The following ZNF365 variants were observed in gnomAD, a reference collection of about 807,000 sequenced individuals.
ZNF365 encodes the protein protein ZNF365.
A neutral mutation model predicts 35.0 loss-of-function variants in ZNF365; 22 were observed. The observed-to-expected ratio is 0.63, with a 90% CI of 0.45 to 0.90. The LOEUF is 0.90. ZNF365 is among the 40% of genes least tolerant of loss of function. The probability of loss-of-function intolerance (pLI) is 0.00; values close to 1 mark genes in which losing one functional copy is unlikely to be tolerated. For missense variants in ZNF365, 448 were observed against 500.3 expected (o/e 0.90, Z 1.00); for synonymous variants, 188 against 196.2 (o/e 0.96, Z 0.35).
At chr10:62,429,432 G>C (rs963912250) in intron 3 of ZNF365, among the ~76,000 whole-genome samples, 1 of 152,168 alleles carries the variant, frequency 6.6e-6, no homozygotes, top group Admixed American at 6.5e-5. Context: ...TCAGAATTGC[G>C]AAGACTTTAC....
At position 62,402,004 on chromosome 10, in the gene ZNF365, T is replaced by C. The variant is rs1392206458; in HGVS notation, c.*2215T>C. 9.1e-6 allele frequency: 9 copies of C among 985,524 alleles called. No individual in the cohort carries two copies. Among genetic ancestry groups the C allele is most frequent in the Non-Finnish European group, 1.1e-5 (9 of 829,928 alleles). 61.0% of individuals were successfully genotyped at this position (985,524 alleles called of 1,614,324 possible). ...TGCCTCCTTAGAGACATAAATTTAG[T>C]GTCAAAACATGGGAGATGGCTTACT... On this transcript the variant is annotated 3_prime_UTR_variant, in exon 5 of 5. Coordinates refer to ENST00000395254, the MANE Select transcript of ZNF365 (RefSeq NM_014951.3).
intron 2 of ZNF365, among the ~76,000 whole-genome samples, chr10:62,377,421 G>A (rs1299834645): frequency 6.6e-6 from 1 of 152,144 alleles, no homozygotes; most frequent in Non-Finnish European, 1.5e-5. Context: ...TATCTGCCCA[G>A]GTTAATTAAA....
intron 4 of ZNF365, among the ~76,000 whole-genome samples, chr10:62,471,332 T>A (rs575378979): frequency 6.7e-6 from 1 of 149,294 alleles, no homozygotes. Context: ...TGCCACTGCA[T>A]TCCAGCCTGG....
intron 2 of ZNF365, among the ~76,000 whole-genome samples, chr10:62,385,893 A>T (rs1306124024): frequency 6.6e-6 from 1 of 152,172 alleles, no homozygotes; most frequent in Non-Finnish European, 1.5e-5. Flanking sequence ...TGAATTTTTA[A>T]AAATGGTACT....
At chr10:62,468,612 G>GC (rs111508889) in intron 4 of ZNF365, among the ~76,000 whole-genome samples, 1 of 152,056 alleles carries the variant, frequency 6.6e-6, no homozygotes, top group Non-Finnish European at 1.5e-5. Flanking sequence ...TGAGGACAAT[G>GC]CCCCCCCAGA....
chr10:62,461,502 C>T (rs372628870), intron 4 of ZNF365, among the ~76,000 whole-genome samples: 17 of 152,170 alleles, frequency 1.1e-4, no homozygotes, highest in African/African-American at 4.1e-4. Context: ...GGACGCCCTG[C>T]CTGGGCTTTC....
chr10:62,420,660 A>T (rs957075477), intron 3 of ZNF365, among the ~76,000 whole-genome samples: 5 of 152,230 alleles, frequency 3.3e-5, no homozygotes, highest in African/African-American at 1.2e-4. Flanking sequence ...GATTGATTGC[A>T]AGTTGGCAGT....
intron 4 of ZNF365, among the ~76,000 whole-genome samples, chr10:62,470,382 C>T (rs1564602429): frequency 6.6e-6 from 1 of 152,216 alleles, no homozygotes; most frequent in South Asian, 2.1e-4. Flanking sequence ...AACCCTTTGA[C>T]TTCCAGCCAG....
intron 4 of ZNF365, among the ~76,000 whole-genome samples, chr10:62,462,130 G>A (rs1840857398): frequency 6.6e-6 from 1 of 152,160 alleles, no homozygotes; most frequent in South Asian, 2.1e-4. Context: ...CATGTATACA[G>A]GGGGAGTTAC....
intron 4 of ZNF365, among the ~76,000 whole-genome samples, chr10:62,468,372 T>G (rs56115828): frequency 0.11 from 16,988 of 152,236 alleles, 1,010 homozygotes; most frequent in East Asian, 0.19. Flanking sequence ...ATGAAACAAC[T>G]ATGCATGAAT....
At chr10:62,452,902 C>A (rs1840706396) in intron 3 of ZNF365, among the ~76,000 whole-genome samples, 1 of 152,234 alleles carries the variant, frequency 6.6e-6, no homozygotes, top group Non-Finnish European at 1.5e-5. Context: ...CCTACTGCCA[C>A]CTTCATTGTT....
At chr10:62,399,424 G>A in intron 4 of ZNF365, 104 bp from the exon 5 acceptor site, 1 of 1,487,472 alleles carries the variant, frequency 6.7e-7, no homozygotes, top group Non-Finnish European at 9.0e-7. Context: ...CACCACTGTA[G>A]CATGTAGGAG....
At chr10:62,445,070 C>A (rs951106300) in intron 3 of ZNF365, among the ~76,000 whole-genome samples, 4 of 151,522 alleles carry the variant, frequency 2.6e-5, no homozygotes, top group Non-Finnish European at 4.4e-5. Flanking sequence ...ATGATGATTT[C>A]CAATTTCATC....
At chr10:62,479,361 C>T (rs1054840458) in intron 4 of ZNF365, among the ~76,000 whole-genome samples, 4 of 152,176 alleles carry the variant, frequency 2.6e-5, no homozygotes, top group Admixed American at 6.5e-5. Context: ...TACAGTTATA[C>T]TGTAGAATTG....
intron 3 of ZNF365, among the ~76,000 whole-genome samples, chr10:62,394,162 G>A (rs1839682669): frequency 6.6e-6 from 1 of 152,074 alleles, no homozygotes. Context: ...CAGCTTACTG[G>A]TTCAGCATTC....
chr10:62,381,448 C>T (rs1017031277), intron 2 of ZNF365, among the ~76,000 whole-genome samples: 1 of 152,094 alleles, frequency 6.6e-6, no homozygotes, highest in East Asian at 1.9e-4. Context: ...AGTGTTTTTT[C>T]CATTAGTTCA....
intron 2 of ZNF365, among the ~76,000 whole-genome samples, chr10:62,381,644 T>A (rs779917080): frequency 6.6e-6 from 1 of 152,170 alleles, no homozygotes; most frequent in Non-Finnish European, 1.5e-5. Context: ...ATCTGAGGTG[T>A]TGGGAGGCAG....
intron 3 of ZNF365, among the ~76,000 whole-genome samples, chr10:62,433,722 G>T (rs1222172556): frequency 6.6e-6 from 1 of 152,072 alleles, no homozygotes; most frequent in African/African-American, 2.4e-5. Context: ...CCCCAATCCA[G>T]GCCAAACACA....
intron 3 of ZNF365, 145 bp downstream of exon 3, chr10:62,388,721 G>A (rs1839568689): frequency 1.9e-6 from 2 of 1,044,760 alleles, no homozygotes; most frequent in South Asian, 3.5e-5. Context: ...CCTGTATTGT[G>A]GAAATGTTAC....
Sources: allele counts gnomAD v4.1 joint callset (sites outside exome capture counted in the v4.1 genomes callset), GRCh38; gene constraint gnomAD v4.1.1; transcripts MANE v1.5; gene names NCBI Gene and HGNC (gene_info 2026-07-23, HGNC 2026-07-21).